Variants in MARS1 observed in about 807,000 individuals in gnomAD.
The protein encoded by MARS1 is methionine--tRNA ligase, cytoplasmic.
In MARS1, 80 loss-of-function variants were observed where a neutral mutation model predicts 119.5. The observed-to-expected ratio is 0.67, with a 90% CI of 0.56 to 0.81. The LOEUF (loss-of-function observed/expected upper bound fraction) is 0.81. MARS1 is among the 30% of genes least tolerant of loss of function. MARS1 has a pLI of 0.00. For synonymous variants in MARS1, 418 were observed against 433.4 expected, an observed-to-expected ratio of 0.96 and a Z score of 0.44; for missense variants, 945 against 1,116.5, an observed-to-expected ratio of 0.85 and a Z score of 2.19.
At chr12:57,507,792 G>A (rs1454716203) in intron 11 of MARS1, among the ~76,000 whole-genome samples, 20 of 147,858 alleles carry the variant, frequency 1.4e-4, no homozygotes, top group East Asian at 1.1e-3. Context: ...GCGGCTGGCC[G>A]GGCGGAGGCT....
At chr12:57,489,149 A>G in intron 2 of MARS1, 40 bp downstream of exon 2, 1 of 1,605,496 alleles carries the variant, frequency 6.2e-7, no homozygotes, top group East Asian at 2.2e-5. Flanking sequence ...GGCTGAATCA[A>G]ATCAGGCCTC....
chr12:57,488,184 A>G lies in MARS1; in HGVS notation c.94A>G (p.Thr32Ala). 4 of 1,613,232 alleles carry G rather than the reference A, an allele frequency of 2.5e-6. No individual in the cohort carries two copies. The highest frequency in any genetic ancestry group is 3.4e-6 in the Non-Finnish European group (4 of 1,179,398). The change falls in exon 1 of 21, where the codon ACT becomes GCT. Residue 32 changes from threonine (T) to alanine (A), a missense_variant. Coordinates refer to ENST00000262027, the MANE Select transcript of MARS1 (RefSeq NM_004990.4). ...GGGCAGAGCAGAGGTGCTCATCAGC[A>G]CTGTAGGCCCGGAAGGTACTCGTGC... is the stretch of plus-strand genomic sequence containing the variant. ...ARGRAEVLIS[T>A]VGPEDCVVPF...
chr12:57,498,446 C>T lies in MARS1; in HGVS notation c.914C>T (p.Thr305Ile). ...TACTCTCGCCTCCGCCAGTGGAACA[C>T]CCTCTATCTGTGTGGGACAGATGAG... is the stretch of plus-strand genomic sequence containing the variant. ...ARYSRLRQWN[T>I]LYLCGTDEYG... is the part of the protein sequence containing the mutation. The change falls in exon 9 of 21, where the codon ACC (threonine) becomes ATC (isoleucine). Residue 305 changes from threonine to isoleucine, a missense_variant. By Grantham distance (89) the Thr-to-Ile change is moderately conservative (BLOSUM62 -1). Transcript: ENST00000262027. The T allele has an allele frequency of 6.2e-7, 1 of 1,614,070 alleles. No homozygotes were observed. Among genetic ancestry groups the T allele is most frequent in the African/African-American group, 1.3e-5 (1 of 75,054 alleles).
chr12:57,498,770 C>T (rs1876769120), intron 9 of MARS1, 147 bp downstream of exon 9: 4 of 731,916 alleles, frequency 5.5e-6, no homozygotes, highest in Non-Finnish European at 9.4e-6. Flanking sequence ...GTTATCCAGG[C>T]ATTTTTGAGG....
chr12:57,513,408 C>CGG (rs1313237725), intron 15 of MARS1, among the ~76,000 whole-genome samples: 1 of 151,782 alleles, frequency 6.6e-6, no homozygotes, highest in Non-Finnish European at 1.5e-5. Context: ...CACTTGAGGC[C>CGG]GGGAGTTCAA....
intron 7 of MARS1, among the ~76,000 whole-genome samples, chr12:57,497,345 C>T (rs1469248579): frequency 1.3e-5 from 2 of 152,112 alleles, no homozygotes; most frequent in African/African-American, 4.8e-5. Flanking sequence ...TATATAGCAG[C>T]AGCTGGGAAG....
chr12:57,488,943 A>AG, intron 1 of MARS1, 76 bp from the exon 2 acceptor site: 1 of 1,177,746 alleles, frequency 8.5e-7, no homozygotes. Flanking sequence ...GAACAATGCA[A>AG]GGTTATCCTA....
chr12:57,490,312 G>C lies in MARS1; in HGVS notation c.596G>C (p.Arg199Pro), dbSNP rs150202199. The stretch of plus-strand genomic sequence containing the variant: ...AAACAGCAAGGTGTCCTGGCTCTCC[G>C]GCCTTACCTCCAAAAGCAGCCCCAG... ...VLKQQGVLAL[R>P]PYLQKQPQPS... is the part of the protein sequence containing the mutation. The change falls in exon 6 of 21, where the codon CGG becomes CCG. Residue 199 changes from arginine (R) to proline (P), a missense_variant. Transcript: ENST00000262027. 6.2e-7 allele frequency: 1 copy of C among 1,612,720 alleles called. No homozygotes were observed.
At chr12:57,507,775 G>A (rs1877282815) in intron 11 of MARS1, among the ~76,000 whole-genome samples, 1 of 149,308 alleles carries the variant, frequency 6.7e-6, no homozygotes, top group Non-Finnish European at 1.5e-5. Context: ...CCTCCCTCCC[G>A]GACGGGGCGG....
intron 15 of MARS1, among the ~76,000 whole-genome samples, chr12:57,514,174 T>G (rs1375030672): frequency 6.7e-6 from 1 of 149,572 alleles, no homozygotes; most frequent in East Asian, 1.9e-4. Context: ...TTTTTTTTTT[T>G]GAGATGGAGT....
At chr12:57,503,195 C>T (rs1459681568) in intron 10 of MARS1, among the ~76,000 whole-genome samples, 1 of 151,722 alleles carries the variant, frequency 6.6e-6, no homozygotes, top group Non-Finnish European at 1.5e-5. Flanking sequence ...GTTTATGCCA[C>T]ACAAATAAAT....
At chr12:57,507,920 C>T (rs938116081) in intron 11 of MARS1, among the ~76,000 whole-genome samples, 81 of 150,454 alleles carry the variant, frequency 5.4e-4, no homozygotes, top group African/African-American at 1.9e-3. Flanking sequence ...GGCTGCCGGG[C>T]GGAGGGGCTC....
intron 7 of MARS1, among the ~76,000 whole-genome samples, chr12:57,496,286 C>G (rs1876628763): frequency 6.6e-6 from 1 of 151,660 alleles, no homozygotes; most frequent in Non-Finnish European, 1.5e-5. Flanking sequence ...GTCTCAGCCC[C>G]CCGAGTAGCT....
At chr12:57,488,266 A>G in intron 1 of MARS1, 67 bp downstream of exon 1, 3 of 1,481,940 alleles carry the variant, frequency 2.0e-6, no homozygotes, top group Non-Finnish European at 2.8e-6. Flanking sequence ...GATTCTCTGC[A>G]GCTGTCTTTG....
intron 11 of MARS1, among the ~76,000 whole-genome samples, chr12:57,504,847 G>T (rs909928879): frequency 6.6e-6 from 1 of 151,986 alleles, no homozygotes; most frequent in Admixed American, 6.6e-5. Flanking sequence ...GGGATTACAG[G>T]CGTCTGCCAC....
At chr12:57,508,257 G>A (rs983491443) in intron 11 of MARS1, among the ~76,000 whole-genome samples, 9 of 152,228 alleles carry the variant, frequency 5.9e-5, no homozygotes, top group African/African-American at 2.2e-4. Flanking sequence ...CCCAGACTGG[G>A]TGGCGGCACG....
At chr12:57,503,156 G>A (rs1245836135) in intron 10 of MARS1, among the ~76,000 whole-genome samples, 2 of 151,674 alleles carry the variant, frequency 1.3e-5, no homozygotes, top group Non-Finnish European at 2.9e-5. Flanking sequence ...CACTCCATTA[G>A]CCATCACCCT....
chr12:57,500,636 G>A, intron 10 of MARS1, 114 bp downstream of exon 10: 1 of 902,364 alleles, frequency 1.1e-6, no homozygotes, highest in Non-Finnish European at 1.7e-6. Flanking sequence ...TTAACCAGTG[G>A]CCCTTTCTGC....
intron 10 of MARS1, chr12:57,504,003 T>A (rs1877060078): frequency 1.8e-6 from 1 of 570,668 alleles, no homozygotes; most frequent in Non-Finnish European, 3.1e-6. Flanking sequence ...TACTCTGGTG[T>A]GATGGGACAG....
Sources: allele counts gnomAD v4.1 joint callset (sites outside exome capture counted in the v4.1 genomes callset), GRCh38; gene constraint gnomAD v4.1.1; transcripts MANE v1.5; gene names NCBI Gene and HGNC (gene_info 2026-07-23, HGNC 2026-07-21).